The following KLHDC4 variants were observed in gnomAD, a reference collection of about 807,000 sequenced individuals.
The protein encoded by KLHDC4 is kelch domain containing 4.
Under a neutral mutation model 62.4 loss-of-function variants are expected in KLHDC4, and 90 were observed. The ratio of observed to expected loss-of-function variants is 1.44; its 90% CI spans 1.22 to 1.72. The LOEUF is 1.72. Among genes scored for constraint, KLHDC4 ranks in the 40% most tolerant of loss-of-function variants. KLHDC4 has a pLI of 0.00. For missense variants in KLHDC4, 1,025 were observed against 699.7 expected, an observed-to-expected ratio of 1.47 and a Z score of -5.25; for synonymous variants, 386 against 284.4, an observed-to-expected ratio of 1.36 and a Z score of -3.59.
chr16:87,715,711 C>T (rs2036829246), intron 7 of KLHDC4, among the ~76,000 whole-genome samples: 1 of 152,174 alleles, frequency 6.6e-6, no homozygotes, highest in African/African-American at 2.4e-5. Flanking sequence ...TCATCACATC[C>T]CATCAAGGGT....
chr16:87,709,127 C>A lies in KLHDC4; in HGVS notation c.1447+138G>T, dbSNP rs551022309. 9.0e-5 allele frequency: 100 copies of A among 1,107,854 alleles called. 1 individual carries two copies. In the African/African-American group the frequency reaches 1.4e-3, roughly 15 times the overall value. The allele number at this position is 1,107,854 out of a possible 1,614,324, so 68.6% of individuals were successfully genotyped here. A position where few individuals can be genotyped will look rare whatever the true frequency, so the allele number is the denominator to read the frequency against. On this transcript the variant is annotated intron_variant, in intron 10 of 11. Transcript: ENST00000270583. ...GGGTCCTGTTCTCCGTCAATCTGAC[C>A]GTGGAGGCAGGAGCACAGGCGAGAA...
At chr16:87,725,236 G>A (rs376349609) in intron 7 of KLHDC4, among the ~76,000 whole-genome samples, 2 of 152,150 alleles carry the variant, frequency 1.3e-5, no homozygotes, top group Admixed American at 6.5e-5. Flanking sequence ...TGAGTCACAC[G>A]GTGCCCGCAC....
chr16:87,731,736 T>A (rs764489150), intron 5 of KLHDC4, among the ~76,000 whole-genome samples: 23 of 152,102 alleles, frequency 1.5e-4, no homozygotes, highest in Non-Finnish European at 2.1e-4. Flanking sequence ...AAAACACCAG[T>A]CCACACAGAC....
At chr16:87,704,285 T>G (rs1438986982), downstream of KLHDC4, among the ~76,000 whole-genome samples, 7 of 149,402 alleles carry the variant, frequency 4.7e-5, no homozygotes, top group Non-Finnish European at 7.4e-5. Context: ...AGGAGGCGCC[T>G]GGGGAGGGTC....
chr16:87,736,801 T>G (rs561605761), intron 5 of KLHDC4, among the ~76,000 whole-genome samples: 2 of 152,292 alleles, frequency 1.3e-5, no homozygotes, highest in East Asian at 1.9e-4. Flanking sequence ...AAACTCGTGG[T>G]GCAGATATTA....
At chr16:87,765,074 G>A (rs1028418101) in intron 1 of KLHDC4, 22 of 455,254 alleles carry the variant, frequency 4.8e-5, no homozygotes, top group Admixed American at 2.4e-4. Context: ...ACCTGCTCGT[G>A]AGGAGTAAAG....
chr16:87,741,419 G>A (rs575795382), intron 5 of KLHDC4, among the ~76,000 whole-genome samples: 1 of 152,198 alleles, frequency 6.6e-6, no homozygotes, highest in Admixed American at 6.5e-5. Context: ...AGCAGCATTA[G>A]ACTCTCACAG....
In KLHDC4 at chr16:87,709,488, C is replaced by T. The variant is rs530469992; in HGVS notation, c.1224G>A (p.Ala408=). Residue 408 remains alanine, a synonymous_variant, in exon 10 of 12, where the codon GCG becomes GCA. Transcript: ENST00000270583. The part of the protein sequence containing the change: ...IKQVLTAPGS[A]GQPRSEDEDS... ...CTTCGTCCTCAGACCGGGGCTGCCC[C>T]GCCGAGCCTGGCGCGGTGAGCACCT... The T allele has an allele frequency of 5.4e-5, 87 of 1,611,888 alleles. No individual in the cohort carries two copies. In the South Asian group the frequency reaches 7.4e-4, roughly 14 times the overall value.
rs369408596 is a variant in KLHDC4, at chr16:87,708,436, G to T, written c.1478C>A (p.Ser493Ter). 1 of 1,610,528 alleles carries T rather than the reference G, an allele frequency of 6.2e-7. No homozygotes were observed. The highest frequency in any genetic ancestry group is 8.5e-7 in the Non-Finnish European group (1 of 1,178,652). The change falls in exon 11 of 12, where the codon TCG becomes TAG. Residue 493 changes from serine (S) to a stop codon, truncating the protein, a stop_gained. Transcript: ENST00000270583. LOFTEE classifies it high-confidence loss of function. ...CTCAACCTCCTCACTGTCCTCTTCC[G>T]AGTCCGTCTCCTCCAGCCACTCCTG... Reference protein sequence around the residue: ...ETQEWLEETDSEEDSEEVEGA... With the variant: ...ETQEWLEETD
At chr16:87,704,921 T>C (rs531267737), downstream of KLHDC4, among the ~76,000 whole-genome samples, 175 of 152,230 alleles carry the variant, frequency 1.1e-3, no homozygotes, top group African/African-American at 3.9e-3. Context: ...ATGGCGCGCA[T>C]GGGCGGCAGG....
chr16:87,723,741 G>T (rs567880146), intron 7 of KLHDC4, among the ~76,000 whole-genome samples: 1 of 152,284 alleles, frequency 6.6e-6, no homozygotes, highest in South Asian at 2.1e-4. Flanking sequence ...GCAGCAGAAT[G>T]AACGTGGATC....
At chr16:87,759,264 G>A (rs980730981) in intron 2 of KLHDC4, among the ~76,000 whole-genome samples, 1 of 151,974 alleles carries the variant, frequency 6.6e-6, no homozygotes, top group African/African-American at 2.4e-5. Flanking sequence ...GTCGGGTGCA[G>A]TGGCTCACAC....
At chr16:87,715,741 C>A (rs186782505) in intron 7 of KLHDC4, among the ~76,000 whole-genome samples, 93 of 152,326 alleles carry the variant, frequency 6.1e-4, no homozygotes, top group African/African-American at 2.1e-3. Context: ...CAACAGGACT[C>A]ATCACAGTGG....
At chr16:87,732,263 T>G (rs1341381683) in intron 5 of KLHDC4, among the ~76,000 whole-genome samples, 1 of 152,032 alleles carries the variant, frequency 6.6e-6, no homozygotes, top group East Asian at 1.9e-4. Context: ...GACCAGCTAA[T>G]TTTTGTATTT....
exon 1 of KLHDC4, chr16:87,701,873 C>T (rs549162697): frequency 1.8e-5 from 8 of 456,482 alleles, no homozygotes; most frequent in South Asian, 3.1e-5. Flanking sequence ...GAAGCCTCTT[C>T]GAGCCCAGGG....
upstream of KLHDC4, chr16:87,702,678 C>T (rs752399691): frequency 1.9e-5 from 4 of 213,084 alleles, no homozygotes; most frequent in South Asian, 1.6e-4. Context: ...GGGAGCCACG[C>T]GGAAGAGGCA....
In KLHDC4 at chr16:87,726,899, A is replaced by T. The variant is rs750726516; in HGVS notation, c.625T>A (p.Tyr209Asn). Reference sequence around the variant, plus strand: ...GTGAAGGTGTCCAGATTAAAGGCATACACGTCGTTGTAGTAGATGTAATCC... The same window carrying T: ...GTGAAGGTGTCCAGATTAAAGGCATTCACGTCGTTGTAGTAGATGTAATCC... ...TRDYIYYNDV[Y>N]AFNLDTFTWS... is the part of the protein sequence containing the mutation. Residue 209 changes from tyrosine to asparagine, a missense_variant, in exon 7 of 12, where the codon TAT becomes AAT. Tyr to Asn is a moderately radical substitution (Grantham distance 143). Coordinates refer to ENST00000270583, the MANE Select transcript of KLHDC4 (RefSeq NM_017566.4). The T allele has an allele frequency of 2.5e-6, 4 of 1,614,032 alleles. No individual in the cohort carries two copies. In the South Asian group the frequency reaches 3.3e-5, roughly 13 times the overall value.
downstream of KLHDC4, among the ~76,000 whole-genome samples, chr16:87,706,098 G>A (rs1055067193): frequency 9.3e-5 from 14 of 150,204 alleles, no homozygotes; most frequent in African/African-American, 2.9e-4. Context: ...TGCGGGGGGC[G>A]GGCGGGCTGC....
rs2035378279 is a variant in KLHDC4 at position 87,709,662 on chromosome 16, G to A, written c.1050C>T (p.Pro350=). 1 of 1,596,238 alleles carries A rather than the reference G, an allele frequency of 6.3e-7. No individual in the cohort carries two copies. Among genetic ancestry groups the A allele is most frequent in the Non-Finnish European group, 8.5e-7 (1 of 1,171,080 alleles). ...GCCTGCGTTTCTTCTTTTCAGACTT[G>A]GGTCCCTATTAATAGACCGAGGAAG... ...NRWFEGQLKG[P]KSEKKKRRRG... Residue 350 remains proline, a synonymous_variant, in exon 10 of 12, where the codon CCC becomes CCT. Transcript: ENST00000270583.
Sources: allele counts gnomAD v4.1 joint callset (sites outside exome capture counted in the v4.1 genomes callset), GRCh38; gene constraint gnomAD v4.1.1; transcripts MANE v1.5; gene names NCBI Gene and HGNC (gene_info 2026-07-23, HGNC 2026-07-21).